Variants in PTBP1 observed in about 807,000 individuals in gnomAD.
PTBP1 encodes the protein polypyrimidine tract binding protein 1, also known as polypyrimidine tract-binding protein 1.
Under a neutral mutation model 59.8 loss-of-function variants are expected in PTBP1, and 8 were observed. The ratio of observed to expected loss-of-function variants is 0.13; its 90% CI spans 0.08 to 0.24. The LOEUF (loss-of-function observed/expected upper bound fraction) is 0.24, where lower values mean the gene tolerates loss of function less well. Among genes scored for constraint, PTBP1 ranks in the 10% least tolerant of loss-of-function variants. The pLI is 1.00. For missense variants in PTBP1, 686 were observed against 767.0 expected (o/e 0.89, Z 1.25); for synonymous variants, 490 against 320.7 (o/e 1.53, Z -5.64).
At position 809,150 on chromosome 19, in the gene PTBP1, A is replaced by G. The variant is rs559294080; in HGVS notation, c.1463+388A>G. 7.3e-5 allele frequency among the ~76,000 whole-genome samples: 11 copies of G among 151,344 alleles called. No individual in the cohort carries two copies. The South Asian group carries it at 2.3e-3, about 32-fold the overall frequency. ...CAGCTTCCCGAGTAGCTGGGACTGT[A>G]GGCACCCACAACCACACCTGGCTAA... On this transcript the variant is annotated intron_variant, in intron 13 of 14. Transcript: ENST00000356948.
In PTBP1 at chr19:807,539, T is replaced by C. The variant is rs2034641044; in HGVS notation, c.1120-330T>C. The C allele has an allele frequency of 8.1e-6, 3 of 371,108 alleles. No individual in the cohort carries two copies. The South Asian group carries it at 1.4e-4, about 17-fold the overall frequency. The allele number at this position is 371,108 out of a possible 1,614,324, so 23.0% of individuals were successfully genotyped here. A position where few individuals can be genotyped will look rare whatever the true frequency, so the allele number is the denominator to read the frequency against. On this transcript the variant is annotated intron_variant, in intron 10 of 14. Coordinates refer to ENST00000356948, the MANE Select transcript of PTBP1 (RefSeq NM_002819.5). ...ACTGACCTGTGTTTTTTTGCTACTT[T>C]TTTTCTTTTCTCCCCTTCCCCTTTC...
rs146498992 is a variant in PTBP1, at chr19:810,598, G to A, written c.1519G>A (p.Val507Ile). The part of the protein sequence containing the change: ...KVLFSSNGGV[V>I]KGFKFFQKDR... ...CCTGTTTTCCAGCAATGGGGGCGTC[G>A]TCAAAGGATTCAAGTTCTTCCAGTG... is the stretch of plus-strand genomic sequence containing the variant. The change falls in exon 14 of 15, where the codon GTC becomes ATC. Residue 507 changes from valine (V) to isoleucine (I), a missense_variant. Val to Ile is a conservative substitution (Grantham distance 29). Transcript: ENST00000356948. The A allele has an allele frequency of 1.7e-4, 270 of 1,613,604 alleles. No homozygotes were observed. In the African/African-American group the frequency reaches 3.2e-3, roughly 19 times the overall value.
chr19:807,818 A>C, intron 10 of PTBP1, 51 bp from the exon 11 acceptor site: 1 of 1,514,592 alleles, frequency 6.6e-7, no homozygotes, highest in Non-Finnish European at 9.2e-7. Context: ...GCCCCCCTTG[A>C]CCTCTCCCTC....
chr19:799,859 T>G (rs961811706), intron 2 of PTBP1, among the ~76,000 whole-genome samples: 1 of 152,206 alleles, frequency 6.6e-6, no homozygotes, highest in Non-Finnish European at 1.5e-5. Flanking sequence ...CTGGATAGAA[T>G]CCAGCCTATT....
In PTBP1 at chr19:808,421, G is replaced by T; in HGVS notation, c.1215G>T (p.Val405=). ...TCAATAAGAAGGAGAACGCCCTAGT[G>T]CAGATGGCGGACGGCAACCAGGCCC... ...ILFNKKENAL[V]QMADGNQAQL... Residue 405 remains valine (V), a synonymous_variant, in exon 12 of 15, where the codon GTG becomes GTT. Coordinates refer to ENST00000356948, the MANE Select transcript of PTBP1 (RefSeq NM_002819.5). The surrounding 1 kb of genome is among the most constrained non-coding windows in gnomAD (Gnocchi z 4.7). 1 of 1,607,082 alleles carries T rather than the reference G, an allele frequency of 6.2e-7. No individual in the cohort carries two copies. The highest frequency in any genetic ancestry group is 8.5e-7 in the Non-Finnish European group (1 of 1,177,972).
rs868533322 is a variant in PTBP1 at position 808,556 on chromosome 19, C to T, written c.1257C>T (p.His419=). The part of the protein sequence containing the change: ...DGNQAQLAMS[H]LNGHKLHGKP... ...GTGCTGCTCCCCCAGCCATGAGCCACCTGAACGGGCACAAGCTGCACGGGA... is the reference window on the plus strand; with the variant it reads ...GTGCTGCTCCCCCAGCCATGAGCCATCTGAACGGGCACAAGCTGCACGGGA... Residue 419 remains histidine, a synonymous_variant, in exon 13 of 15, where the codon CAC becomes CAT. Transcript: ENST00000356948. This position sits in a 1 kb window ranked among gnomAD's most constrained non-coding sequence, Gnocchi z 4.7. The T allele has an allele frequency of 4.4e-6, 7 of 1,593,956 alleles. No individual in the cohort carries two copies. In the South Asian group the frequency reaches 6.8e-5, roughly 15 times the overall value.
At chr19:797,972 C>CG (rs2034151015) in intron 1 of PTBP1, among the ~76,000 whole-genome samples, 2 of 149,634 alleles carry the variant, frequency 1.3e-5, no homozygotes, top group Non-Finnish European at 3.0e-5. Context: ...GCGCGCCTTT[C>CG]CCGCCGCCCG....
At position 808,745 on chromosome 19, in the gene PTBP1, G is replaced by A. The variant is rs756858822; in HGVS notation, c.1446G>A (p.Leu482=). The change falls in exon 13 of 15, where the codon CTG becomes CTA. Residue 482 remains leucine, a synonymous_variant. Transcript: ENST00000356948. This position sits in a 1 kb window ranked among gnomAD's most constrained non-coding sequence, Gnocchi z 4.7. ...FQNIFPPSAT[L]HLSNIPPSVS... is the part of the protein sequence containing the mutation. ...ACATATTCCCGCCCTCGGCCACGCT[G>A]CACCTCTCCAACATCCCGTGAGTGC... 1.5e-5 allele frequency: 24 copies of A among 1,611,818 alleles called. No individual in the cohort carries two copies. In the South Asian group the frequency reaches 2.4e-4, roughly 16 times the overall value.
chr19:805,204 C>CG lies in PTBP1; in HGVS notation c.892+18dup, dbSNP rs746840809. The CG allele has an allele frequency of 6.2e-7, 1 of 1,611,914 alleles. No homozygotes were observed. The highest frequency in any genetic ancestry group is 8.5e-7 in the Non-Finnish European group (1 of 1,179,154). ...CGGCCTTCGGTAAGAGGCTGCCCGA[C>CG]GCGGCGCCAGTGTGCAGAGTGGTCT... On this transcript the variant is annotated intron_variant, in intron 8 of 14. Coordinates refer to ENST00000356948, the MANE Select transcript of PTBP1 (RefSeq NM_002819.5).
rs374567155 is a variant in PTBP1 at position 803,625 on chromosome 19, C to T, written c.104C>T (p.Ser35Leu). ...GGACCGTTTATCATGAGCAGCAACT[C>T]GGCTTCTGCAGGTAAGGCCGGGACT... Reference protein sequence around the residue: ...TNGPFIMSSNSASAANGNDSK... With the variant: ...TNGPFIMSSNLASAANGNDSK... The change falls in exon 3 of 15, where the codon TCG (serine) becomes TTG (leucine). Residue 35 changes from serine to leucine, a missense_variant. Coordinates refer to ENST00000356948, the MANE Select transcript of PTBP1 (RefSeq NM_002819.5). 3.2e-5 allele frequency: 51 copies of T among 1,614,112 alleles called. No individual in the cohort carries two copies. The African/African-American group carries it at 4.4e-4, about 14-fold the overall frequency.
Position 805,455 on chromosome 19 carries a change from T to TTG in PTBP1, c.893-34_893-33dup, listed in dbSNP as rs745833450. Reference sequence around the variant, plus strand: ...GCACAGCGCCCGCTCGCGGTGGAGGTTGTGGGTGCGATGATTAGTGTCTCA... The same window carrying TTG: ...GCACAGCGCCCGCTCGCGGTGGAGGTTGTGTGGGTGCGATGATTAGTGTCTCA... On this transcript the variant is annotated intron_variant, in intron 8 of 14. Transcript: ENST00000356948. 5 of 1,568,720 alleles carry TTG rather than the reference T, an allele frequency of 3.2e-6. No homozygotes were observed. In the South Asian group the frequency reaches 5.5e-5, roughly 17 times the overall value.
chr19:808,259 G>T lies in PTBP1; in HGVS notation c.1154-101G>T. The stretch of plus-strand genomic sequence containing the variant: ...GTGGCCGATAAAGCAAACCCGGCCG[G>T]GCTGAGCCGGGCCTTGTGGGGGTGC... On this transcript the variant is annotated intron_variant, in intron 11 of 14. Transcript: ENST00000356948. The surrounding 1 kb of genome is among the most constrained non-coding windows in gnomAD (Gnocchi z 4.7). The T allele has an allele frequency of 9.8e-7, 1 of 1,021,190 alleles. No individual in the cohort carries two copies. Among genetic ancestry groups the T allele is most frequent in the Non-Finnish European group, 1.5e-6 (1 of 674,328 alleles). 63.3% of individuals were successfully genotyped at this position (1,021,190 alleles called of 1,614,324 possible).
In PTBP1 at chr19:808,808, G is replaced by GCT; in HGVS notation, c.1463+49_1463+50dup. The GCT allele has an allele frequency of 1.3e-6, 2 of 1,544,540 alleles. No individual in the cohort carries two copies. The highest frequency in any genetic ancestry group is 1.4e-5 in the African/African-American group (1 of 73,164). On this transcript the variant is annotated intron_variant, in intron 13 of 14. Transcript: ENST00000356948. This position sits in a 1 kb window ranked among gnomAD's most constrained non-coding sequence, Gnocchi z 4.7. ...CTCATGGGGCCGGGGGCGGGCAAGG[G>GCT]CTCTGCTTGGCTGTCCTACCGCGTC...
intron 1 of PTBP1, chr19:798,285 C>G (rs943545290): frequency 2.0e-5 from 3 of 151,900 alleles, no homozygotes; most frequent in Non-Finnish European, 2.9e-5. Context: ...GGCGGCTTTG[C>G]TGGGCGGGCT....
intron 2 of PTBP1, among the ~76,000 whole-genome samples, chr19:800,446 T>C (rs1041272014): frequency 2.6e-5 from 4 of 152,232 alleles, no homozygotes; most frequent in Admixed American, 6.5e-5. Flanking sequence ...GAGGGAGCTG[T>C]AGTCCTCGCT....
At chr19:805,715 T>A (rs1474219950) in intron 9 of PTBP1, 146 bp downstream of exon 9, 1 of 721,630 alleles carries the variant, frequency 1.4e-6, no homozygotes. Flanking sequence ...GGACGCCACG[T>A]CCACAGAGCA....
chr19:797,921 C>G (rs911171624), intron 1 of PTBP1, among the ~76,000 whole-genome samples: 4 of 148,802 alleles, frequency 2.7e-5, no homozygotes, highest in African/African-American at 9.7e-5. Flanking sequence ...GTCGCGCGTC[C>G]CCGTTGGCCC....
rs1012667796 is a variant in PTBP1 at position 808,616 on chromosome 19, C to T, written c.1317C>T (p.Asn439=). ...GCATCACGCTCTCGAAGCACCAGAACGTGCAGCTGCCCCGCGAGGGCCAGG... is the reference window on the plus strand; with the variant it reads ...GCATCACGCTCTCGAAGCACCAGAATGTGCAGCTGCCCCGCGAGGGCCAGG... The part of the protein sequence containing the change: ...PIRITLSKHQ[N]VQLPREGQED... Residue 439 remains asparagine, a synonymous_variant, in exon 13 of 15, where the codon AAC becomes AAT. Transcript: ENST00000356948. This position sits in a 1 kb window ranked among gnomAD's most constrained non-coding sequence, Gnocchi z 4.7. 3.7e-6 allele frequency: 6 copies of T among 1,610,238 alleles called. No homozygotes were observed. Among genetic ancestry groups the T allele is most frequent in the East Asian group, 2.2e-5 (1 of 44,782 alleles).
At chr19:806,885 G>T (rs2034606031) in intron 10 of PTBP1, 1 of 226,270 alleles carries the variant, frequency 4.4e-6, no homozygotes, top group Non-Finnish European at 8.6e-6. Flanking sequence ...CTGGTCAGCG[G>T]GACACACAGG....
Sources: gnomAD v4.1 joint callset for allele counts (sites outside exome capture counted in the v4.1 genomes callset) on GRCh38, gnomAD v4.1.1 for gene constraint, Gnocchi (gnomAD v3.1) non-coding constraint, MANE v1.5 for transcripts, NCBI Gene and HGNC (gene_info 2026-07-23, HGNC 2026-07-21) for gene names.